Variants in SLC1A7 observed in about 807,000 individuals in gnomAD.
SLC1A7 encodes the protein excitatory amino acid transporter 5.
Under a neutral mutation model 47.7 loss-of-function variants are expected in SLC1A7, and 40 were observed. The ratio of observed to expected loss-of-function variants is 0.84; its 90% CI spans 0.65 to 1.09. SLC1A7 has a LOEUF of 1.09. SLC1A7 is among the 50% of genes least tolerant of loss of function. The pLI, the probability that SLC1A7 is intolerant of heterozygous loss-of-function variation, is 0.00. For synonymous variants in SLC1A7, 323 were observed against 325.6 expected (o/e 0.99, Z 0.09); for missense variants, 746 against 769.5 (o/e 0.97, Z 0.36).
chr1:53,091,471 G>A (rs1279965632), intron 7 of SLC1A7, among the ~76,000 whole-genome samples: 4 of 152,226 alleles, frequency 2.6e-5, no homozygotes, highest in Admixed American at 2.6e-4. Context: ...GCTGGCAGGA[G>A]ATGGCCAGGG....
In SLC1A7 at chr1:53,090,606, G is replaced by A. The variant is rs769999567; in HGVS notation, c.1226+6C>T. On this transcript the variant is annotated splice_donor_region_variant and intron_variant, in intron 8 of 10. Transcript: ENST00000371494. Reference sequence around the variant, plus strand: ...CCATCCACCCAGGTGCAGTGTCAGGGTGCACCTGATGGTGATGATCTGGCC... The same window carrying A: ...CCATCCACCCAGGTGCAGTGTCAGGATGCACCTGATGGTGATGATCTGGCC... The A allele has an allele frequency of 6.4e-6, 10 of 1,573,868 alleles. No homozygotes were observed. In the African/African-American group the frequency reaches 1.1e-4, roughly 17 times the overall value.
chr1:53,087,892 G>T lies in SLC1A7; in HGVS notation c.*117C>A. On this transcript the variant is annotated 3_prime_UTR_variant, in exon 11 of 11. Coordinates refer to ENST00000371494, the MANE Select transcript of SLC1A7 (RefSeq NM_006671.6). The stretch of plus-strand genomic sequence containing the variant: ...GCGGGGTTAATTCCAGCCTCTCAAG[G>T]GTGAGAAGAATGTGTGATCCTGGCC... 1.9e-6 allele frequency: 1 copy of T among 516,672 alleles called. No individual in the cohort carries two copies. The allele number at this position is 516,672 out of a possible 1,614,324, so 32.0% of individuals were successfully genotyped here.
At chr1:53,101,620 C>T (rs1372124562) in intron 5 of SLC1A7, among the ~76,000 whole-genome samples, 1 of 151,430 alleles carries the variant, frequency 6.6e-6, no homozygotes, top group Non-Finnish European at 1.5e-5. Flanking sequence ...CACACCCCAC[C>T]TCAGTACACT....
At chr1:53,130,441 G>A (rs1190929518) in intron 2 of SLC1A7, among the ~76,000 whole-genome samples, 1 of 152,132 alleles carries the variant, frequency 6.6e-6, no homozygotes. Flanking sequence ...GCCCAGACCT[G>A]CAGATGGTTG....
At chr1:53,118,830 T>A (rs1644789885) in intron 2 of SLC1A7, among the ~76,000 whole-genome samples, 1 of 152,080 alleles carries the variant, frequency 6.6e-6, no homozygotes, top group Non-Finnish European at 1.5e-5. Flanking sequence ...AAGCCCCATC[T>A]CTACTAAAAA....
At chr1:53,119,719 G>A (rs1255721642) in intron 2 of SLC1A7, among the ~76,000 whole-genome samples, 1 of 152,182 alleles carries the variant, frequency 6.6e-6, no homozygotes, top group East Asian at 1.9e-4. Context: ...TTCACAGCCT[G>A]CCCTTGGTAA....
intron 5 of SLC1A7, among the ~76,000 whole-genome samples, chr1:53,094,161 G>A (rs752960507): frequency 5.3e-5 from 8 of 152,142 alleles, no homozygotes; most frequent in Non-Finnish European, 7.3e-5. Context: ...GTTTTTTCCC[G>A]TCTCCTCTGC....
intron 3 of SLC1A7, among the ~76,000 whole-genome samples, chr1:53,111,389 A>G (rs1330538611): frequency 2.0e-5 from 3 of 152,164 alleles, no homozygotes; most frequent in African/African-American, 7.2e-5. Flanking sequence ...GGTGCAGGCT[A>G]CGACTTTGTT....
chr1:53,142,244 C>T (rs1032640227), intron 1 of SLC1A7, 71 bp downstream of exon 1: 18 of 1,488,920 alleles, frequency 1.2e-5, no homozygotes, highest in African/African-American at 7.0e-5. Flanking sequence ...GATGCTAGAA[C>T]GGGACCCCAG....
At chr1:53,110,332 ACG>A (rs1267416413) in intron 3 of SLC1A7, among the ~76,000 whole-genome samples, 1 of 152,170 alleles carries the variant, frequency 6.6e-6, no homozygotes, top group African/African-American at 2.4e-5. Context: ...CTGTCCCAGG[ACG>A]CCTGTGTTCT....
chr1:53,104,899 A>C (rs879430322), intron 4 of SLC1A7, among the ~76,000 whole-genome samples: 11 of 152,236 alleles, frequency 7.2e-5, no homozygotes, highest in African/African-American at 1.7e-4. Flanking sequence ...ATTCACCACA[A>C]TTTCGACGAA....
intron 5 of SLC1A7, 82 bp from the exon 6 acceptor site, chr1:53,093,642 A>G: frequency 2.0e-6 from 2 of 1,009,684 alleles, no homozygotes; most frequent in Non-Finnish European, 2.9e-6. Flanking sequence ...CTGGCTTCCC[A>G]GCAGCCTTGA....
chr1:53,114,363 C>T lies in SLC1A7; in HGVS notation c.431+395G>A, dbSNP rs79349152. Among the ~76,000 whole-genome samples the T allele has an allele frequency of 8.7e-3, 1,320 of 152,290 alleles. 47 individuals carry two copies. The East Asian group carries it at 0.11, about 12-fold the overall frequency. ...AGGACTAGGTTGAATCCTGTCTCCACTACCTACCTACCGGTGACTCTGGAA... is the reference window on the plus strand; with the variant it reads ...AGGACTAGGTTGAATCCTGTCTCCATTACCTACCTACCGGTGACTCTGGAA... On this transcript the variant is annotated intron_variant, in intron 3 of 10. Transcript: ENST00000371494.
At chr1:53,091,025 C>T in intron 7 of SLC1A7, 1 of 1,390,512 alleles carries the variant, frequency 7.2e-7, no homozygotes, top group Non-Finnish European at 9.6e-7. Context: ...GATGAGGAAG[C>T]TGACGCCCAG....
intron 2 of SLC1A7, among the ~76,000 whole-genome samples, chr1:53,131,694 C>T (rs527250624): frequency 6.6e-6 from 1 of 152,370 alleles, no homozygotes; most frequent in African/African-American, 2.4e-5. Context: ...ATTCACTTGA[C>T]CAGTATTAAT....
At position 53,103,384 on chromosome 1, in the gene SLC1A7, A is replaced by G. The variant is rs766106679; in HGVS notation, c.659T>C (p.Met220Thr). 1.9e-6 allele frequency: 3 copies of G among 1,609,904 alleles called. No homozygotes were observed. Among genetic ancestry groups the G allele is most frequent in the African/African-American group, 1.3e-5 (1 of 74,998 alleles). ...GAAGAAGACGATGCCCAGCACATTC[A>G]TGCCATCGCTGGTGCCCGGCTCTGA... ...YKSEPGTSDG[M>T]NVLGIVFFSA... The change falls in exon 5 of 11, where the codon ATG (methionine) becomes ACG (threonine). Residue 220 changes from methionine to threonine, a missense_variant. Met to Thr is a moderately conservative substitution (Grantham distance 81). Transcript: ENST00000371494.
intron 1 of SLC1A7, among the ~76,000 whole-genome samples, chr1:53,138,825 A>T (rs543470143): frequency 6.6e-6 from 1 of 152,134 alleles, no homozygotes; most frequent in South Asian, 2.1e-4. Flanking sequence ...TCACATTTTT[A>T]TCTTAGTTCT....
intron 2 of SLC1A7, among the ~76,000 whole-genome samples, chr1:53,120,474 C>T (rs925000608): frequency 4.6e-5 from 7 of 152,124 alleles, no homozygotes; most frequent in African/African-American, 1.7e-4. Flanking sequence ...TCCTTCCCTG[C>T]CCTGCGTCCC....
chr1:53,128,148 G>A (rs1051424292), intron 2 of SLC1A7, among the ~76,000 whole-genome samples: 1 of 152,176 alleles, frequency 6.6e-6, no homozygotes, highest in African/African-American at 2.4e-5. Flanking sequence ...TTGGTTGTAG[G>A]AGTGAAGGGC....
Sources: allele counts gnomAD v4.1 joint callset (sites outside exome capture counted in the v4.1 genomes callset), GRCh38; gene constraint gnomAD v4.1.1; transcripts MANE v1.5; gene names NCBI Gene and HGNC (gene_info 2026-07-23, HGNC 2026-07-21).